ARHGEF10: variants seen among roughly 807,000 people sequenced by gnomAD.
ARHGEF10 encodes the protein Rho guanine nucleotide exchange factor (GEF) 10.
In ARHGEF10, 140 loss-of-function variants were observed where a neutral mutation model predicts 147.4. The ratio of observed to expected loss-of-function variants is 0.95; its 90% CI spans 0.83 to 1.09. The LOEUF (loss-of-function observed/expected upper bound fraction) is 1.09, where lower values mean the gene tolerates loss of function less well. ARHGEF10 is among the 50% of genes least tolerant of loss of function. The pLI, the probability that ARHGEF10 is intolerant of heterozygous loss-of-function variation, is 0.00. For missense variants in ARHGEF10, 2,222 were observed against 1,752.7 expected, an observed-to-expected ratio of 1.27 and a Z score of -4.78; for synonymous variants, 902 against 695.8, an observed-to-expected ratio of 1.30 and a Z score of -4.67.
Position 1,905,608 on chromosome 8 carries a change from A to T in ARHGEF10, c.1859A>T (p.Asp620Val). ...GGAAGCCGATACCTCATTCGATCAG[A>T]TGATATGATAGAAACAGTTTACAAC... ...SSGSRYLIRS[D>V]DMIETVYNDR... Residue 620 changes from aspartate to valine, a missense_variant, in exon 17 of 29, where the codon GAT becomes GTT. Physicochemically the swap from Asp to Val is radical, Grantham distance 152 (BLOSUM62 -3). Coordinates refer to ENST00000349830, the MANE Select transcript of ARHGEF10 (RefSeq NM_014629.4). 1 of 1,614,212 alleles carries T rather than the reference A, an allele frequency of 6.2e-7. No individual in the cohort carries two copies. Among genetic ancestry groups the T allele is most frequent in the Non-Finnish European group, 8.5e-7 (1 of 1,180,038 alleles).
chr8:1,880,240 C>A (rs1808070516), intron 9 of ARHGEF10, 76 bp downstream of exon 9: 1 of 1,009,540 alleles, frequency 9.9e-7, no homozygotes, highest in South Asian at 1.3e-5. Context: ...TCGGTCGGTC[C>A]TTGCTGTCTC....
rs1563234036 is a variant in ARHGEF10 at position 1,888,213 on chromosome 8, C to CGAGGAGACACTTAGTGGGGT, written c.1182+2510_1182+2511insAGACACTTAGTGGGGTGAGG. Reference sequence around the variant, plus strand: ...GTTTGCGAGGAGACACTTAGTGGGGCGAGGGTTGCGAGGAGACAGTGAGTG... The same window carrying CGAGGAGACACTTAGTGGGGT: ...GTTTGCGAGGAGACACTTAGTGGGGCGAGGAGACACTTAGTGGGGTGAGGGTTGCGAGGAGACAGTGAGTG... On this transcript the variant is annotated intron_variant, in intron 11 of 28. Coordinates refer to ENST00000349830, the MANE Select transcript of ARHGEF10 (RefSeq NM_014629.4). Among the ~76,000 whole-genome samples the CGAGGAGACACTTAGTGGGGT allele has an allele frequency of 2.7e-4, 7 of 26,334 alleles. 1 individual carries two copies. The highest frequency in any genetic ancestry group is 1.8e-3 in the South Asian group (1 of 570). The allele number at this position is 26,334 out of a possible 152,430, so 17.3% of individuals were successfully genotyped here.
chr8:1,825,024 G>C (rs1395687785), intron 1 of ARHGEF10, among the ~76,000 whole-genome samples: 5 of 16,222 alleles, frequency 3.1e-4, no homozygotes, highest in African/African-American at 5.7e-4. Context: ...CTGCACCCCA[G>C]CTGTCCCCCC....
At chr8:1,867,078 C>G (rs1177841785) in intron 6 of ARHGEF10, among the ~76,000 whole-genome samples, 4 of 137,798 alleles carry the variant, frequency 2.9e-5, no homozygotes, top group African/African-American at 5.4e-5. Flanking sequence ...TTTCTTTTAT[C>G]TAATCGTACA....
chr8:1,933,612 G>A (rs976169813), intron 25 of ARHGEF10, among the ~76,000 whole-genome samples, 188 bp from the exon 26 acceptor site: 24 of 152,060 alleles, frequency 1.6e-4, no homozygotes, highest in African/African-American at 5.8e-4. Flanking sequence ...CTTCCCGACT[G>A]TGCACCATGG....
Position 1,882,725 on chromosome 8 carries a change from A to T in ARHGEF10, c.1051A>T (p.Arg351Trp). Residue 351 changes from arginine to tryptophan, a missense_variant, in exon 10 of 29, where the codon AGG becomes TGG. By Grantham distance (101) the Arg-to-Trp change is moderately radical. Transcript: ENST00000349830. ...AAVKRGRSFI[R>W]TKSLIAQDHR... is the part of the protein sequence containing the mutation. ...CGTGAAGAGGGGCCGCTCCTTCATC[A>T]GGACCAAGTCTCTCATCGCACAGGG... 6.5e-7 allele frequency: 1 copy of T among 1,542,646 alleles called. No individual in the cohort carries two copies. The highest frequency in any genetic ancestry group is 8.8e-7 in the Non-Finnish European group (1 of 1,141,766).
At chr8:1,866,141 G>A (rs1273182163) in intron 5 of ARHGEF10, among the ~76,000 whole-genome samples, 1 of 152,124 alleles carries the variant, frequency 6.6e-6, no homozygotes, top group Non-Finnish European at 1.5e-5. Context: ...ACATGGAGAC[G>A]GCCCATTGCC....
rs548175040 is a variant in ARHGEF10, at chr8:1,865,835, C to T, written c.546-691C>T. Among the ~76,000 whole-genome samples the T allele has an allele frequency of 3.6e-3, 545 of 152,316 alleles. 2 individuals carry two copies. The highest frequency in any genetic ancestry group is 6.0e-3 in the Non-Finnish European group (407 of 68,028). On this transcript the variant is annotated intron_variant, in intron 5 of 28. Coordinates refer to ENST00000349830, the MANE Select transcript of ARHGEF10 (RefSeq NM_014629.4). ...CCCAGCAGTGTCTCTGCGCTGCCACCGGGCTCATCCTTGCACAGCTCCCCA... is the reference window on the plus strand; with the variant it reads ...CCCAGCAGTGTCTCTGCGCTGCCACTGGGCTCATCCTTGCACAGCTCCCCA...
intron 17 of ARHGEF10, among the ~76,000 whole-genome samples, chr8:1,906,629 C>T (rs1236229983): frequency 2.0e-5 from 3 of 152,166 alleles, no homozygotes; most frequent in Admixed American, 6.5e-5. Flanking sequence ...GCTCAGGAGT[C>T]GGACTCCTTA....
intron 26 of ARHGEF10, among the ~76,000 whole-genome samples, chr8:1,934,754 G>A (rs1813438341): frequency 6.6e-6 from 1 of 152,136 alleles, no homozygotes; most frequent in Non-Finnish European, 1.5e-5. Flanking sequence ...AAAAGCAGTA[G>A]AACAGTTTTA....
intron 18 of ARHGEF10, among the ~76,000 whole-genome samples, chr8:1,918,235 G>A (rs928720840): frequency 2.6e-5 from 4 of 152,164 alleles, no homozygotes; most frequent in African/African-American, 4.8e-5. Flanking sequence ...CTTTGGCAGC[G>A]CACATTGTCC....
chr8:1,954,268 A>G (rs1815300650), intron 28 of ARHGEF10, among the ~76,000 whole-genome samples: 2 of 151,794 alleles, frequency 1.3e-5, no homozygotes, highest in African/African-American at 4.8e-5. Context: ...TAATTTTTGT[A>G]TTTTTAGTAG....
intron 16 of ARHGEF10, chr8:1,903,672 G>A: frequency 1.6e-6 from 1 of 619,548 alleles, no homozygotes; most frequent in Non-Finnish European, 2.8e-6. Flanking sequence ...TCTTAGGAAA[G>A]AGATTCATAC....
At chr8:1,845,561 C>G (rs1366052649) in intron 2 of ARHGEF10, among the ~76,000 whole-genome samples, 1 of 152,244 alleles carries the variant, frequency 6.6e-6, no homozygotes, top group Non-Finnish European at 1.5e-5. Context: ...AGGACCCGTT[C>G]AGAATCCCGT....
chr8:1,863,171 GTGTC>G (rs1328169989), intron 4 of ARHGEF10, among the ~76,000 whole-genome samples: 3 of 152,174 alleles, frequency 2.0e-5, no homozygotes, highest in Non-Finnish European at 4.4e-5. Context: ...TCCTGGCCCT[GTGTC>G]TGCCCTGACA....
Position 1,869,921 on chromosome 8 carries a change from C to A in ARHGEF10, c.679+671C>A, listed in dbSNP as rs556409466. On this transcript the variant is annotated intron_variant, in intron 7 of 28. Transcript: ENST00000349830. ...GTCCTTTAGAAAGGGCGATGGGCCG[C>A]AGGAGGCAGAGCGGGGGAGCTTGCT... 44 of 155,960 alleles carry A rather than the reference C, an allele frequency of 2.8e-4. No individual in the cohort carries two copies. In the South Asian group the frequency reaches 8.5e-3, roughly 30 times the overall value. The allele number at this position is 155,960 out of a possible 1,614,324, so 9.7% of individuals were successfully genotyped here. A position where few individuals can be genotyped will look rare whatever the true frequency, so the allele number is the denominator to read the frequency against.
chr8:1,955,488 G>C (rs1203313251), intron 28 of ARHGEF10, among the ~76,000 whole-genome samples: 1 of 149,594 alleles, frequency 6.7e-6, no homozygotes, highest in Non-Finnish European at 1.5e-5. Flanking sequence ...CTGAAAGGAA[G>C]TGCACTCTCA....
chr8:1,848,230 C>T (rs560063662), intron 2 of ARHGEF10, among the ~76,000 whole-genome samples: 6 of 152,372 alleles, frequency 3.9e-5, no homozygotes, highest in Non-Finnish European at 4.4e-5. Flanking sequence ...CGGGGTCCTC[C>T]GTCTTAGTCC....
chr8:1,827,214 T>C (rs953289007), intron 1 of ARHGEF10, among the ~76,000 whole-genome samples: 1 of 152,262 alleles, frequency 6.6e-6, no homozygotes, highest in Non-Finnish European at 1.5e-5. Context: ...TCTGCCACCC[T>C]ACTCTGCTTC....
Sources: gnomAD v4.1 joint callset for allele counts (sites outside exome capture counted in the v4.1 genomes callset) on GRCh38, gnomAD v4.1.1 for gene constraint, MANE v1.5 for transcripts, NCBI Gene and HGNC (gene_info 2026-07-23, HGNC 2026-07-21) for gene names.